The following CPNE1 variants were observed in gnomAD, a reference collection of about 807,000 sequenced individuals.
CPNE1 encodes copine 1.
CPNE1 carries 58 observed loss-of-function variants against 63.2 expected under a neutral mutation model. The ratio of observed to expected loss-of-function variants is 0.92; its 90% CI spans 0.74 to 1.14. The LOEUF is 1.14. Ranked by LOEUF, CPNE1 falls within the 50% of genes most tolerant of loss-of-function variation. The pLI, the probability that CPNE1 is intolerant of heterozygous loss-of-function variation, is 0.00. For synonymous variants in CPNE1, 237 were observed against 249.0 expected, an observed-to-expected ratio of 0.95 and a Z score of 0.45; for missense variants, 672 against 661.7, an observed-to-expected ratio of 1.02 and a Z score of -0.17.
chr20:35,654,020 TCAAGTAAA>T, intron 1 of CPNE1: 1 of 1,614,240 alleles, frequency 6.2e-7, no homozygotes, highest in Non-Finnish European at 8.5e-7. Context: ...GGTAGCCCTT[TCAAGTAAA>T]CACAAAAACC....
At chr20:35,652,981 C>T in intron 1 of CPNE1, 2 of 1,613,816 alleles carry the variant, frequency 1.2e-6, no homozygotes, top group Non-Finnish European at 1.7e-6. Context: ...TCCCGATGGC[C>T]CACTTAAATT....
intron 1 of CPNE1, among the ~76,000 whole-genome samples, chr20:35,645,109 G>T (rs1282357458): frequency 6.6e-6 from 1 of 152,152 alleles, no homozygotes; most frequent in Non-Finnish European, 1.5e-5. Flanking sequence ...AAATACCTGT[G>T]CATCTACAGT....
chr20:35,658,696 GT>G (rs2034049807), intron 1 of CPNE1, among the ~76,000 whole-genome samples: 1 of 151,882 alleles, frequency 6.6e-6, no homozygotes, highest in South Asian at 2.1e-4. Flanking sequence ...GGAGGCGGAG[GT>G]TGCAGTGAGC....
chr20:35,630,585 T>C (rs968839053), intron 12 of CPNE1, 95 bp from the exon 13 acceptor site: 1 of 1,489,864 alleles, frequency 6.7e-7, no homozygotes, highest in African/African-American at 1.4e-5. Context: ...ATAGGAGCTA[T>C]GGAGTCCTGA....
chr20:35,650,014 G>A (rs1441015563), intron 1 of CPNE1: 2 of 152,618 alleles, frequency 1.3e-5, no homozygotes, highest in South Asian at 2.1e-4. Context: ...CGCAGGAAGA[G>A]AGGTATGAGT....
At chr20:35,654,182 G>A (rs750535784) in intron 1 of CPNE1, 3 of 1,614,206 alleles carry the variant, frequency 1.9e-6, no homozygotes, top group Non-Finnish European at 2.5e-6. Flanking sequence ...GCTACCCACT[G>A]TCTTTCTGTG....
Position 35,636,076 on chromosome 20 carries a change from A to G in CPNE1, c.1-3153T>C, listed in dbSNP as rs186584354. Among the ~76,000 whole-genome samples, 833 of 152,256 alleles carry G rather than the reference A, an allele frequency of 5.5e-3. 18 individuals are homozygous for G. The highest frequency in any genetic ancestry group is 0.019 in the African/African-American group (786 of 41,552). ...TGGGAAGGCCTTACCCTATCTCCCT[A>G]TGAGAACTCATCTGATACCTGGAAG... is the stretch of plus-strand genomic sequence containing the variant. On this transcript the variant is annotated intron_variant, in intron 1 of 15. Transcript: ENST00000397443.
At position 35,630,994 on chromosome 20, in the gene CPNE1, G is replaced by C. The variant is rs1403285469; in HGVS notation, c.902C>G (p.Ser301Ter). 1.2e-6 allele frequency: 2 copies of C among 1,613,926 alleles called. No individual in the cohort carries two copies. Among genetic ancestry groups the C allele is most frequent in the South Asian group, 2.2e-5 (2 of 91,072 alleles). ...ACTCAGGTAGTGTAGGGAGTCAGGT[G>C]AGGAGGGGTCTCCATTGGAGCCAGT... ...DFTGSNGDPS[S>*]PDSLHYLSPT... The change falls in exon 11 of 16, where the codon TCA (serine) becomes TGA (stop). Residue 301 changes from serine (S) to a stop codon, truncating the protein, a stop_gained. Transcript: ENST00000397443. LOFTEE classifies it high-confidence loss of function.
chr20:35,647,830 G>A (rs1429903581), intron 1 of CPNE1, among the ~76,000 whole-genome samples: 4 of 151,266 alleles, frequency 2.6e-5, no homozygotes, highest in African/African-American at 7.3e-5. Flanking sequence ...CGAGGTGGGC[G>A]GATCATGAGA....
chr20:35,663,697 A>G (rs756425356), intron 1 of CPNE1, among the ~76,000 whole-genome samples: 5 of 152,184 alleles, frequency 3.3e-5, no homozygotes, highest in Non-Finnish European at 5.9e-5. Context: ...TAACCCTCAC[A>G]AGAGCCCCTC....
At position 35,660,686 on chromosome 20, in the gene CPNE1, A is replaced by G. The variant is rs187245399; in HGVS notation, c.-1+4074T>C. On this transcript the variant is annotated intron_variant, in intron 1 of 15. Coordinates refer to ENST00000397443, the MANE Select transcript of CPNE1 (RefSeq NM_152925.3). ...ATTTATGTACAGGTTTGACTCCAGCAGCCACATAACAGGGTAACTTTCTAG... is the reference window on the plus strand; with the variant it reads ...ATTTATGTACAGGTTTGACTCCAGCGGCCACATAACAGGGTAACTTTCTAG... Among the ~76,000 whole-genome samples the G allele has an allele frequency of 1.6e-4, 24 of 152,370 alleles. No individual in the cohort carries two copies. In the East Asian group the frequency reaches 4.4e-3, roughly 28 times the overall value.
intron 1 of CPNE1, among the ~76,000 whole-genome samples, chr20:35,634,437 TAAAAA>T (rs562467444): frequency 6.7e-6 from 1 of 148,156 alleles, no homozygotes; most frequent in Non-Finnish European, 1.5e-5. Context: ...CTACTAAAAA[TAAAAA>T]AAATTAGCTG....
chr20:35,659,686 A>G (rs146186381), intron 1 of CPNE1, among the ~76,000 whole-genome samples: 2 of 152,210 alleles, frequency 1.3e-5, no homozygotes, highest in Non-Finnish European at 2.9e-5. Context: ...AATAAAATTT[A>G]AAAACACCCT....
chr20:35,638,089 CTGT>C (rs1231347884), intron 1 of CPNE1, among the ~76,000 whole-genome samples: 1 of 152,186 alleles, frequency 6.6e-6, no homozygotes, highest in Non-Finnish European at 1.5e-5. Context: ...TCTGTCTACC[CTGT>C]AAACTATGGG....
In CPNE1 at chr20:35,627,346, G is replaced by A. The variant is rs2031823234; in HGVS notation, c.1170C>T (p.Asn390=). The change falls in exon 14 of 16, where the codon AAC becomes AAT. Residue 390 remains asparagine (N), a synonymous_variant. Transcript: ENST00000397443. The part of the protein sequence containing the change: ...LPQVRLYGPT[N]FAPIINHVAR... ...CCACATGGTTGATGATGGGTGCAAA[G>A]TTGGTAGGGCCATAGAGGCGAACTT... The A allele has an allele frequency of 6.2e-7, 1 of 1,614,184 alleles. No homozygotes were observed. The highest frequency in any genetic ancestry group is 1.3e-5 in the African/African-American group (1 of 75,062).
chr20:35,649,488 G>C (rs1453950560), intron 1 of CPNE1: 1 of 152,568 alleles, frequency 6.6e-6, no homozygotes, highest in Non-Finnish European at 1.5e-5. Context: ...TTTAAATAAA[G>C]TTTCCTAATC....
rs745378738 is a variant in CPNE1 at position 35,630,481 on chromosome 20, C to A, written c.1060G>T (p.Glu354Ter). The A allele has an allele frequency of 5.6e-6, 9 of 1,614,016 alleles. No homozygotes were observed. In the African/African-American group the frequency reaches 1.2e-4, roughly 22 times the overall value. The change falls in exon 13 of 16, where the codon GAA (glutamate) becomes TAA (stop). Residue 354 changes from glutamate (E) to a stop codon, truncating the protein, a stop_gained. Transcript: ENST00000397443. LOFTEE classifies it high-confidence loss of function. ...CTGGGGTTGAAATTCAAGGCAAATTCATGCGAGACCTGGAGACAAGAATGA... is the reference window on the plus strand; with the variant it reads ...CTGGGGTTGAAATTCAAGGCAAATTAATGCGAGACCTGGAGACAAGAATGA... ...QVPPDWQVSHEFALNFNPSNP... is the reference protein window; with the variant it reads ...QVPPDWQVSH
intron 1 of CPNE1, chr20:35,651,382 A>G (rs2033504188): frequency 6.6e-6 from 1 of 152,210 alleles, no homozygotes; most frequent in African/African-American, 2.4e-5. Flanking sequence ...CTGTATGAAG[A>G]CTTTTAGTAA....
At chr20:35,631,838 A>G in intron 6 of CPNE1, 61 bp from the exon 7 acceptor site, 1 of 1,546,692 alleles carries the variant, frequency 6.5e-7, no homozygotes, top group Non-Finnish European at 8.9e-7. Context: ...GAGCTGCCAC[A>G]CTTCTCTACC....
Sources: allele counts gnomAD v4.1 joint callset (sites outside exome capture counted in the v4.1 genomes callset), GRCh38; gene constraint gnomAD v4.1.1; transcripts MANE v1.5; gene names NCBI Gene and HGNC (gene_info 2026-07-23, HGNC 2026-07-21).